FTO: variants seen among roughly 807,000 people sequenced by gnomAD.
The protein encoded by FTO is FTO alpha-ketoglutarate dependent dioxygenase, also known as alpha-ketoglutarate-dependent dioxygenase FTO.
In FTO, 47 loss-of-function variants were observed where a neutral mutation model predicts 63.9. The ratio of observed to expected loss-of-function variants is 0.74; its 90% CI spans 0.58 to 0.94. The LOEUF (loss-of-function observed/expected upper bound fraction) is 0.94. Ranked by LOEUF, FTO falls within the 40% of genes least tolerant of loss-of-function variation. FTO has a pLI of 0.00. For missense variants in FTO, 562 were observed against 618.1 expected, an observed-to-expected ratio of 0.91 and a Z score of 0.96; for synonymous variants, 207 against 224.4, an observed-to-expected ratio of 0.92 and a Z score of 0.69.
At chr16:53,854,476 G>T (rs2079915812) in intron 4 of FTO, among the ~76,000 whole-genome samples, 1 of 152,106 alleles carries the variant, frequency 6.6e-6, no homozygotes, top group Non-Finnish European at 1.5e-5. Flanking sequence ...TTTGTATATG[G>T]TGAGACACAG....
chr16:53,876,788 G>A (rs528822563), intron 5 of FTO, among the ~76,000 whole-genome samples: 1 of 152,292 alleles, frequency 6.6e-6, no homozygotes, highest in African/African-American at 2.4e-5. Flanking sequence ...TTAGCCAGGT[G>A]TGGTGCCACA....
intron 1 of FTO, among the ~76,000 whole-genome samples, chr16:53,716,909 A>T (rs963356302): frequency 6.6e-6 from 1 of 150,664 alleles, no homozygotes; most frequent in African/African-American, 2.4e-5. Flanking sequence ...ATACAGTATG[A>T]CTAATTTTAA....
intron 8 of FTO, among the ~76,000 whole-genome samples, chr16:53,945,246 C>A (rs1056068655): frequency 7.9e-5 from 12 of 152,320 alleles, no homozygotes; most frequent in African/African-American, 2.6e-4. Flanking sequence ...CTTCCACTTT[C>A]CCTGAAGTCT....
chr16:53,984,626 G>A (rs1244718365), intron 8 of FTO, among the ~76,000 whole-genome samples: 2 of 152,044 alleles, frequency 1.3e-5, no homozygotes, highest in Non-Finnish European at 2.9e-5. Flanking sequence ...CATCCAGAAT[G>A]TGTTACTTTT....
chr16:53,706,742 C>A lies in FTO; in HGVS notation c.45+2513C>A, dbSNP rs115919250. ...ATTAATCCATGTTGTTGTATGTATC[C>A]ATAATTTGTTCCTTTTTATCGCAAA... On this transcript the variant is annotated intron_variant, in intron 1 of 8. Transcript: ENST00000471389. Among the ~76,000 whole-genome samples the A allele has an allele frequency of 4.4e-3, 663 of 152,278 alleles. 6 individuals carry two copies. The highest frequency in any genetic ancestry group is 0.015 in the African/African-American group (617 of 41,552).
chr16:53,766,292 C>A (rs948428333), intron 1 of FTO, among the ~76,000 whole-genome samples: 1 of 152,094 alleles, frequency 6.6e-6, no homozygotes, highest in African/African-American at 2.4e-5. Flanking sequence ...GTGGCGCGAT[C>A]GTGGCTCACT....
intron 8 of FTO, among the ~76,000 whole-genome samples, chr16:54,067,139 GTT>G (rs5816920): frequency 1.5e-4 from 22 of 144,754 alleles, no homozygotes; most frequent in African/African-American, 5.5e-4. Context: ...GGTTGTTGTT[GTT>G]TTTTTTTTGT....
chr16:53,826,464 G>C lies in FTO; in HGVS notation c.724G>C (p.Val242Leu). The C allele has an allele frequency of 1.2e-6, 2 of 1,614,170 alleles. No individual in the cohort carries two copies. Among genetic ancestry groups the C allele is most frequent in the Non-Finnish European group, 1.7e-6 (2 of 1,180,032 alleles). ...HDENLVDRSA[V>L]AVYSYSCEGP... ...TGAAAATCTGGTGGACAGGTCAGCG[G>C]TGGCAGTGTACAGTTATAGCTGTGA... The change falls in exon 3 of 9, where the codon GTG becomes CTG. Residue 242 changes from valine (V) to leucine (L), a missense_variant. Physicochemically the swap from Val to Leu is conservative, Grantham distance 32. Transcript: ENST00000471389.
intron 8 of FTO, among the ~76,000 whole-genome samples, chr16:54,014,787 A>C (rs2084397716): frequency 6.7e-6 from 1 of 149,996 alleles, no homozygotes; most frequent in African/African-American, 2.5e-5. Context: ...TATAAAATGC[A>C]CCCAGATTTT....
intron 8 of FTO, among the ~76,000 whole-genome samples, chr16:54,080,334 A>C (rs897190945): frequency 1.8e-4 from 28 of 152,318 alleles, no homozygotes; most frequent in South Asian, 6.2e-4. Context: ...TATTCTACTA[A>C]TAATAATAGT....
chr16:53,883,622 C>CAAAAAAAAAAAAAAAAA (rs36010057), intron 6 of FTO, among the ~76,000 whole-genome samples: 2 of 59,346 alleles, frequency 3.4e-5, no homozygotes, highest in African/African-American at 1.7e-4. Context: ...AACTCTATCT[C>CAAAAAAAAAAAAAAAAA]AAAAAAAAAA....
chr16:53,865,288 A>C (rs769463495), intron 4 of FTO, among the ~76,000 whole-genome samples: 3 of 152,170 alleles, frequency 2.0e-5, no homozygotes, highest in Admixed American at 1.3e-4. Context: ...AGTCAGGATC[A>C]ACCAAAACTG....
At chr16:53,838,252 C>CTTTTAAA (rs1387347138) in intron 3 of FTO, among the ~76,000 whole-genome samples, 10 of 152,164 alleles carry the variant, frequency 6.6e-5, no homozygotes, top group Non-Finnish European at 1.0e-4. Flanking sequence ...AGCAAGGGAC[C>CTTTTAAA]AGCCTTTTAA....
At chr16:54,077,081 C>G (rs1477300488) in intron 8 of FTO, among the ~76,000 whole-genome samples, 1 of 152,120 alleles carries the variant, frequency 6.6e-6, no homozygotes, top group African/African-American at 2.4e-5. Context: ...TAAAGGAACT[C>G]CAGGCTAAGA....
intron 8 of FTO, among the ~76,000 whole-genome samples, chr16:54,006,068 G>A (rs1348131788): frequency 6.6e-6 from 1 of 152,130 alleles, no homozygotes; most frequent in Non-Finnish European, 1.5e-5. Flanking sequence ...TTCCAGAAAG[G>A]GTTAAAGTTA....
intron 7 of FTO, 76 bp from the exon 8 acceptor site, chr16:53,933,909 C>T: frequency 7.0e-7 from 1 of 1,437,528 alleles, no homozygotes; most frequent in Non-Finnish European, 9.6e-7. Flanking sequence ...GATTTACTGT[C>T]CTTATTTGCT....
chr16:54,025,534 C>A (rs1412853753), intron 8 of FTO, among the ~76,000 whole-genome samples: 1 of 151,904 alleles, frequency 6.6e-6, no homozygotes, highest in Non-Finnish European at 1.5e-5. Context: ...ACCAGCCTGG[C>A]CAACATGGTG....
chr16:53,863,609 C>T (rs1448035216), intron 4 of FTO, among the ~76,000 whole-genome samples: 2 of 152,184 alleles, frequency 1.3e-5, no homozygotes, highest in African/African-American at 2.4e-5. Flanking sequence ...TGGCTTATAA[C>T]AGCAGCACAT....
chr16:54,095,126 A>C (rs556003646), intron 8 of FTO, among the ~76,000 whole-genome samples: 522 of 152,218 alleles, frequency 3.4e-3, no homozygotes, highest in Non-Finnish European at 5.8e-3. Flanking sequence ...GGTGGTTTCA[A>C]ACTCCTAAGC....
Sources: allele counts gnomAD v4.1 joint callset (sites outside exome capture counted in the v4.1 genomes callset), GRCh38; gene constraint gnomAD v4.1.1; transcripts MANE v1.5; gene names NCBI Gene and HGNC (gene_info 2026-07-23, HGNC 2026-07-21).